Variants in SCAF8 observed in about 807,000 individuals in gnomAD.
SCAF8 encodes the protein SR-related CTD associated factor 8.
A neutral mutation model predicts 140.5 loss-of-function variants in SCAF8; 23 were observed. The ratio of observed to expected loss-of-function variants is 0.16; its 90% CI spans 0.12 to 0.23. The LOEUF (loss-of-function observed/expected upper bound fraction) is 0.23. Ranked by LOEUF, SCAF8 falls within the 10% of genes least tolerant of loss-of-function variation. The pLI is 1.00. For missense variants in SCAF8, 1,397 were observed against 1,555.7 expected (o/e 0.90, Z 1.72); for synonymous variants, 575 against 528.9 (o/e 1.09, Z -1.20).
chr6:154,824,464 G>A, intron 17 of SCAF8, 86 bp downstream of exon 17: 1 of 1,233,830 alleles, frequency 8.1e-7, no homozygotes, highest in Non-Finnish European at 1.2e-6. Context: ...CCATAGAGCA[G>A]TGGTTCTGAG....
At chr6:154,808,544 G>A (rs1017889276) in intron 10 of SCAF8, 142 bp from the exon 11 acceptor site, 28 of 603,868 alleles carry the variant, frequency 4.6e-5, no homozygotes, top group Non-Finnish European at 7.4e-5. Context: ...TTCTAATGGG[G>A]CCCAGGGAAG....
intron 16 of SCAF8, among the ~76,000 whole-genome samples, chr6:154,823,319 T>C (rs1778474426): frequency 1.3e-5 from 2 of 152,164 alleles, no homozygotes; most frequent in African/African-American, 4.8e-5. Flanking sequence ...AGGATTGCAC[T>C]GGTTACTATT....
Position 154,792,864 on chromosome 6 carries a change from T to C in SCAF8, c.363T>C (p.Asn121=). Residue 121 remains asparagine, a synonymous_variant, in exon 5 of 20, where the codon AAT becomes AAC. Coordinates refer to ENST00000367178, the MANE Select transcript of SCAF8 (RefSeq NM_014892.5). ...TACTAAACTTATGGCAGAAGAATAA[T>C]GTATTTAAGAGTGAGATTATTCAGC... The part of the protein sequence containing the change: ...VRVLNLWQKN[N]VFKSEIIQPL... The C allele has an allele frequency of 1.2e-6, 2 of 1,611,168 alleles. No homozygotes were observed. The highest frequency in any genetic ancestry group is 1.7e-6 in the Non-Finnish European group (2 of 1,178,208).
intron 7 of SCAF8, among the ~76,000 whole-genome samples, chr6:154,802,481 A>G (rs1247912012): frequency 6.6e-6 from 1 of 151,880 alleles, no homozygotes; most frequent in East Asian, 1.9e-4. Context: ...AATTAGCCAG[A>G]TGATGCGTGC....
chr6:154,797,753 T>C (rs564686436), intron 6 of SCAF8, among the ~76,000 whole-genome samples: 3 of 151,628 alleles, frequency 2.0e-5, no homozygotes, highest in African/African-American at 7.2e-5. Flanking sequence ...TTACATATTA[T>C]GCATAGAATA....
chr6:154,772,740 T>TA (rs1185368790), intron 1 of SCAF8, among the ~76,000 whole-genome samples: 7 of 152,232 alleles, frequency 4.6e-5, no homozygotes, highest in Non-Finnish European at 4.4e-5. Flanking sequence ...GGATTATTGT[T>TA]AAACATTAGA....
At chr6:154,772,830 G>A (rs1323518978) in intron 1 of SCAF8, among the ~76,000 whole-genome samples, 2 of 152,046 alleles carry the variant, frequency 1.3e-5, no homozygotes, top group Non-Finnish European at 2.9e-5. Context: ...TGCAATCTCT[G>A]CTCACTGCAA....
chr6:154,762,325 A>G (rs554634540), intron 1 of SCAF8, among the ~76,000 whole-genome samples: 1 of 152,222 alleles, frequency 6.6e-6, no homozygotes, highest in Non-Finnish European at 1.5e-5. Context: ...CCCTCTTCCA[A>G]ATTCATTCAG....
intron 14 of SCAF8, 32 bp downstream of exon 14, chr6:154,818,624 G>T: frequency 8.9e-7 from 1 of 1,117,698 alleles, no homozygotes; most frequent in Non-Finnish European, 1.3e-6. Context: ...CTTGGGGTAG[G>T]GGGGCAGTAT....
chr6:154,791,636 TTTTG>T (rs202040143), intron 4 of SCAF8, among the ~76,000 whole-genome samples: 3,902 of 123,722 alleles, frequency 0.032, 73 homozygotes, highest in Middle Eastern at 0.054. Flanking sequence ...GCTAAAGTTT[TTTTG>T]TTTTTTTAAA....
chr6:154,808,175 G>T lies in SCAF8; in HGVS notation c.1087G>T (p.Asp363Tyr). Residue 363 changes from aspartate to tyrosine, a missense_variant, in exon 10 of 20, where the codon GAT becomes TAT. By Grantham distance (160) the Asp-to-Tyr change is radical. Around this residue, in one of 5 missense-constraint regions of SCAF8, gnomAD observed 339 missense variants for 407.5 expected, o/e 0.83. Transcript: ENST00000367178. ...TTTTCTTGAACCTGAAGTCAATTTGGATGATTCCATAGATATTCAGCAACA... is the reference window on the plus strand; with the variant it reads ...TTTTCTTGAACCTGAAGTCAATTTGTATGATTCCATAGATATTCAGCAACA... ...QHFLEPEVNLDDSIDIQQQDM... is the reference protein window; with the variant it reads ...QHFLEPEVNLYDSIDIQQQDM... 6.2e-7 allele frequency: 1 copy of T among 1,613,950 alleles called. No individual in the cohort carries two copies. The highest frequency in any genetic ancestry group is 8.5e-7 in the Non-Finnish European group (1 of 1,179,838).
At position 154,820,230 on chromosome 6, in the gene SCAF8, T is replaced by C. The variant is rs1778377823; in HGVS notation, c.1689T>C (p.Asp563=). The part of the protein sequence containing the change: ...GVKTEYKQFW[D]VDLGVTYIPW... ...AAACAGAATACAAACAATTCTGGGA[T>C]GTGGATCTTGGAGTTACATATATAC... Residue 563 remains aspartate (D), a synonymous_variant, in exon 15 of 20, where the codon GAT becomes GAC. Transcript: ENST00000367178. 10 of 1,609,268 alleles carry C rather than the reference T, an allele frequency of 6.2e-6. No homozygotes were observed. The highest frequency in any genetic ancestry group is 8.5e-6 in the Non-Finnish European group (10 of 1,178,506).
chr6:154,734,064 T>C lies in SCAF8; in HGVS notation c.30+134T>C. The C allele has an allele frequency of 4.6e-6, 6 of 1,308,288 alleles. No homozygotes were observed. The South Asian group carries it at 1.3e-4, about 28-fold the overall frequency. The allele number at this position is 1,308,288 out of a possible 1,614,324, so 81.0% of individuals were successfully genotyped here. A position where few individuals can be genotyped will look rare whatever the true frequency, so the allele number is the denominator to read the frequency against. On this transcript the variant is annotated intron_variant, in intron 1 of 19. Coordinates refer to ENST00000367178, the MANE Select transcript of SCAF8 (RefSeq NM_014892.5). ...GTGAGCGGTGGCCTAGCAGTGCCCG[T>C]GGGGGAGGGGTGTTTCTCCTCTGGG...
intron 10 of SCAF8, 69 bp downstream of exon 10, chr6:154,808,270 A>G (rs1777981261): frequency 1.4e-6 from 2 of 1,397,600 alleles, no homozygotes; most frequent in East Asian, 2.3e-5. Context: ...AATATTTTAT[A>G]CTAGCAGTGC....
chr6:154,788,248 A>T (rs535388256), intron 4 of SCAF8, among the ~76,000 whole-genome samples: 86 of 152,312 alleles, frequency 5.6e-4, no homozygotes, highest in African/African-American at 2.0e-3. Flanking sequence ...TGCCTACAGT[A>T]TGCAGTACAG....
Position 154,733,427 on chromosome 6 carries a change from C to CGCAGCCGCT in SCAF8, c.-471_-463dup, listed in dbSNP as rs1778310280. 7.1e-6 allele frequency: 10 copies of CGCAGCCGCT among 1,402,928 alleles called. No homozygotes were observed. Among genetic ancestry groups the CGCAGCCGCT allele is most frequent in the African/African-American group, 1.5e-5 (1 of 66,548 alleles). The allele number at this position is 1,402,928 out of a possible 1,614,324, so 86.9% of individuals were successfully genotyped here. The stretch of plus-strand genomic sequence containing the variant: ...GACTCGAGTCCGCCATATTGGATGC[C>CGCAGCCGCT]GCAGCCGCTGCTGCCAGCGCTTCCT... On this transcript the variant is annotated 5_prime_UTR_variant, in exon 1 of 20. Transcript: ENST00000367178.
intron 1 of SCAF8, among the ~76,000 whole-genome samples, chr6:154,739,474 C>G (rs551349775): frequency 1.6e-4 from 25 of 152,228 alleles, no homozygotes; most frequent in Non-Finnish European, 3.2e-4. Flanking sequence ...CCCCCATGAT[C>G]TATTTCTCTT....
At chr6:154,754,213 A>G (rs1376183523) in intron 1 of SCAF8, among the ~76,000 whole-genome samples, 1 of 152,240 alleles carries the variant, frequency 6.6e-6, no homozygotes, top group Admixed American at 6.5e-5. Context: ...TCATGCTTAA[A>G]TAATTCATGC....
chr6:154,780,787 G>A (rs947849085), intron 3 of SCAF8, among the ~76,000 whole-genome samples: 2 of 152,062 alleles, frequency 1.3e-5, no homozygotes, highest in Non-Finnish European at 2.9e-5. Flanking sequence ...GGGCATTTGG[G>A]TTGATTCCAT....
Sources: gnomAD v4.1 joint callset for allele counts (sites outside exome capture counted in the v4.1 genomes callset) on GRCh38, gnomAD v4.1.1 for gene constraint, gnomAD v4.1.1 regional missense constraint, MANE v1.5 for transcripts, NCBI Gene and HGNC (gene_info 2026-07-23, HGNC 2026-07-21) for gene names.